Variants in EP300 observed in about 807,000 individuals in gnomAD.
The protein encoded by EP300 is EP300 lysine acetyltransferase.
Under a neutral mutation model 264.0 loss-of-function variants are expected in EP300, and 31 were observed. That is an observed-to-expected ratio of 0.12 (90% CI 0.09 to 0.16). The LOEUF (loss-of-function observed/expected upper bound fraction) is 0.16, where lower values mean the gene tolerates loss of function less well. Among genes scored for constraint, EP300 ranks in the 10% least tolerant of loss-of-function variants. The pLI is 1.00. For missense variants in EP300, 2,766 were observed against 3,052.9 expected (o/e 0.91, Z 2.21); for synonymous variants, 1,340 against 1,045.4 (o/e 1.28, Z -5.44).
chr22:41,125,732 G>T (rs2058878158), intron 2 of EP300, 132 bp from the exon 3 acceptor site: 1 of 972,898 alleles, frequency 1.0e-6, no homozygotes, highest in Non-Finnish European at 1.5e-6. Flanking sequence ...CCAAGCTGTA[G>T]TGTCTTTTCT....
chr22:41,155,249 A>G (rs532021188), intron 17 of EP300, 136 bp downstream of exon 17: 18 of 794,354 alleles, frequency 2.3e-5, no homozygotes, highest in Admixed American at 6.0e-5. Flanking sequence ...TCCCCCTGAG[A>G]CAGGGTCTTA....
Position 41,147,861 on chromosome 22 carries a change from G to A in EP300, c.2156G>A (p.Ser719Asn), listed in dbSNP as rs2059020948. 1.9e-6 allele frequency: 3 copies of A among 1,614,090 alleles called. No individual in the cohort carries two copies. The highest frequency in any genetic ancestry group is 1.7e-6 in the Non-Finnish European group (2 of 1,179,978). ...QSGLNQFGQM[S>N]MAQPPIVPRQ... Reference sequence around the variant, plus strand: ...GGTTTGAATCAATTTGGCCAGATGAGCATGGCCCAGCCCCCTATTGTACCC... The same window carrying A: ...GGTTTGAATCAATTTGGCCAGATGAACATGGCCCAGCCCCCTATTGTACCC... The change falls in exon 12 of 31, where the codon AGC becomes AAC. Residue 719 changes from serine (S) to asparagine (N), a missense_variant. Ser to Asn is a conservative substitution (Grantham distance 46, BLOSUM62 1). Transcript: ENST00000263253.
rs1458574449 is a variant in EP300, at chr22:41,152,425, T to C, written c.3142+75T>C. 2.6e-6 allele frequency: 4 copies of C among 1,536,034 alleles called. No homozygotes were observed. In the African/African-American group the frequency reaches 4.1e-5, roughly 16 times the overall value. On this transcript the variant is annotated intron_variant, in intron 16 of 30. Coordinates refer to ENST00000263253, the MANE Select transcript of EP300 (RefSeq NM_001429.4). ...CCCAGGGCAGAATTGCGGTCATGCCTCTTGGGCCTCAGAAGTTGCCATTAT... is the reference window on the plus strand; with the variant it reads ...CCCAGGGCAGAATTGCGGTCATGCCCCTTGGGCCTCAGAAGTTGCCATTAT...
chr22:41,152,266 A>C lies in EP300; in HGVS notation c.3058A>C (p.Lys1020Gln). ...AACAGAAGAGAGAAGCACTGAGTTA[A>C]AAACTGAAATAAAAGAGGAGGAAGA... ...TETEERSTEL[K>Q]TEIKEEEDQP... The change falls in exon 16 of 31, where the codon AAA becomes CAA. Residue 1020 changes from lysine (K) to glutamine (Q), a missense_variant. Physicochemically the swap from Lys to Gln is moderately conservative, Grantham distance 53. Coordinates refer to ENST00000263253, the MANE Select transcript of EP300 (RefSeq NM_001429.4). 6.2e-7 allele frequency: 1 copy of C among 1,614,196 alleles called. No individual in the cohort carries two copies. Among genetic ancestry groups the C allele is most frequent in the Non-Finnish European group, 8.5e-7 (1 of 1,180,038 alleles).
At chr22:41,160,275 CTG>C (rs1371886803) in intron 19 of EP300, 9 of 291,500 alleles carry the variant, frequency 3.1e-5, no homozygotes, top group South Asian at 3.6e-5. Context: ...TAATGCTAAT[CTG>C]TGCTTTGCCT....
chr22:41,170,627 TTGC>T, intron 27 of EP300, 56 bp downstream of exon 27: 1 of 1,452,014 alleles, frequency 6.9e-7, no homozygotes, highest in Non-Finnish European at 9.7e-7. Flanking sequence ...TGCACTAATG[TTGC>T]TGCTCTTTGT....
intron 12 of EP300, 197 bp from the exon 13 acceptor site, chr22:41,148,841 T>C: frequency 1.5e-6 from 1 of 650,040 alleles, no homozygotes; most frequent in Admixed American, 2.9e-5. Flanking sequence ...TGTGAGGCTA[T>C]TTCTCTTTAT....
At chr22:41,098,380 TG>T (rs1193603831) in intron 1 of EP300, among the ~76,000 whole-genome samples, 1 of 152,186 alleles carries the variant, frequency 6.6e-6, no homozygotes, top group Non-Finnish European at 1.5e-5. Flanking sequence ...TAGAAGTGAT[TG>T]TTTTTTTTGA....
chr22:41,101,097 CAG>C (rs779083607), intron 1 of EP300, among the ~76,000 whole-genome samples: 31 of 152,088 alleles, frequency 2.0e-4, no homozygotes, highest in Non-Finnish European at 3.8e-4. Context: ...TTTTTAGACA[CAG>C]AGTCTCACTC....
At chr22:41,099,460 C>T (rs2058719503) in intron 1 of EP300, among the ~76,000 whole-genome samples, 1 of 152,210 alleles carries the variant, frequency 6.6e-6, no homozygotes, top group African/African-American at 2.4e-5. Context: ...GAACACGTTT[C>T]TGTCCGTGTC....
chr22:41,129,273 A>G (rs539670496), intron 4 of EP300, among the ~76,000 whole-genome samples: 4 of 152,276 alleles, frequency 2.6e-5, no homozygotes, highest in African/African-American at 9.6e-5. Context: ...GGCCTCCCAA[A>G]GTGCTGGAAT....
At chr22:41,109,324 TA>T (rs1279214475) in intron 1 of EP300, among the ~76,000 whole-genome samples, 4 of 150,558 alleles carry the variant, frequency 2.7e-5, no homozygotes, top group Non-Finnish European at 4.4e-5. Context: ...TTGGCTTCAG[TA>T]AATGAAAACC....
At chr22:41,170,592 C>T (rs201984119) in intron 27 of EP300, 21 bp downstream of exon 27, 607 of 1,610,012 alleles carry the variant, frequency 3.8e-4, no homozygotes, top group Non-Finnish European at 5.0e-4. Flanking sequence ...ACATAGGGGC[C>T]AGGTGCTGAC....
chr22:41,105,313 A>G (rs1468206163), intron 1 of EP300, among the ~76,000 whole-genome samples: 1 of 149,702 alleles, frequency 6.7e-6, no homozygotes, highest in Non-Finnish European at 1.5e-5. Flanking sequence ...GGTTGCCATG[A>G]GCTGAGATTG....
rs538183841 is a variant in EP300 at position 41,140,108 on chromosome 22, GAT to G, written c.1761-29_1761-28del. ...AAAAATACTAATTAAATGCTGACAT[GAT>G]ATTACAGTGGTAGGATTTTCTTTTT... On this transcript the variant is annotated intron_variant, in intron 8 of 30. Coordinates refer to ENST00000263253, the MANE Select transcript of EP300 (RefSeq NM_001429.4). 1,426 of 1,442,788 alleles carry G rather than the reference GAT, an allele frequency of 9.9e-4. 6 individuals carry two copies. In the African/African-American group the frequency reaches 0.017, roughly 18 times the overall value. 89.4% of individuals were successfully genotyped at this position (1,442,788 alleles called of 1,614,324 possible). A position where few individuals can be genotyped will look rare whatever the true frequency, so the allele number is the denominator to read the frequency against.
chr22:41,145,194 G>A (rs1273108975), intron 10 of EP300, among the ~76,000 whole-genome samples: 2 of 152,192 alleles, frequency 1.3e-5, no homozygotes, highest in Non-Finnish European at 2.9e-5. Flanking sequence ...TGTGTGGGGA[G>A]GAAGAGGAAA....
At chr22:41,128,126 A>G (rs189976644) in intron 4 of EP300, among the ~76,000 whole-genome samples, 3 of 152,280 alleles carry the variant, frequency 2.0e-5, no homozygotes, top group Admixed American at 6.5e-5. Context: ...TGATTGCGCC[A>G]CTGTACTCCA....
intron 19 of EP300, 193 bp from the exon 20 acceptor site, chr22:41,160,448 AC>A (rs1317950439): frequency 2.4e-5 from 13 of 550,276 alleles, no homozygotes; most frequent in South Asian, 7.4e-5. Context: ...AAACAAAAAA[AC>A]AAACAAAAAA....
intron 1 of EP300, among the ~76,000 whole-genome samples, chr22:41,097,916 G>A (rs924710125): frequency 2.6e-5 from 4 of 151,612 alleles, no homozygotes; most frequent in Admixed American, 1.3e-4. Flanking sequence ...TGATGGTCTC[G>A]ATCTCCTGAC....
Sources: gnomAD v4.1 joint callset for allele counts (sites outside exome capture counted in the v4.1 genomes callset) on GRCh38, gnomAD v4.1.1 for gene constraint, MANE v1.5 for transcripts, NCBI Gene and HGNC (gene_info 2026-07-23, HGNC 2026-07-21) for gene names.